Variants in CSMD1 observed in about 807,000 individuals in gnomAD.
CSMD1 encodes the protein CUB and Sushi multiple domains 1.
CSMD1 carries 213 observed loss-of-function variants against 417.5 expected under a neutral mutation model. The ratio of observed to expected loss-of-function variants is 0.51; its 90% CI spans 0.46 to 0.57. CSMD1 has a LOEUF of 0.57. CSMD1 is among the 20% of genes least tolerant of loss of function. The pLI is 0.00. For synonymous variants in CSMD1, 2,862 were observed against 1,736.8 expected, an observed-to-expected ratio of 1.65 and a Z score of -16.11; for missense variants, 6,923 against 4,529.7, an observed-to-expected ratio of 1.53 and a Z score of -15.17.
chr8:3,502,048 T>C (rs76317359), intron 10 of CSMD1, among the ~76,000 whole-genome samples: 3,306 of 152,232 alleles, frequency 0.022, 89 homozygotes, highest in East Asian at 0.11. Context: ...GCTTATCAAA[T>C]AATGAAATAA....
At chr8:3,769,333 G>T (rs1739765684) in intron 5 of CSMD1, among the ~76,000 whole-genome samples, 1 of 151,812 alleles carries the variant, frequency 6.6e-6, no homozygotes, top group African/African-American at 2.4e-5. Context: ...TTGCAAATAT[G>T]TTAAAAGAAA....
At chr8:2,979,450 G>A (rs748294230) in intron 54 of CSMD1, among the ~76,000 whole-genome samples, 34 of 152,194 alleles carry the variant, frequency 2.2e-4, no homozygotes, top group Non-Finnish European at 4.6e-4. Flanking sequence ...GCCTGTTGGC[G>A]TCTGTGAGGG....
chr8:4,679,270 G>A (rs377486338), intron 1 of CSMD1, among the ~76,000 whole-genome samples: 1 of 152,180 alleles, frequency 6.6e-6, no homozygotes, highest in South Asian at 2.1e-4. Context: ...GAACACCCGA[G>A]AAGGTAGCTT....
chr8:3,708,444 T>C lies in CSMD1; in HGVS notation c.979A>G (p.Ser327Gly). The change falls in exon 7 of 70, where the codon AGC becomes GGC. Residue 327 changes from serine to glycine, a missense_variant. Ser to Gly is a moderately conservative substitution (Grantham distance 56). Transcript: ENST00000635120. ...GAGTTTTTATGGCTTCCATCCTTGC[T>C]GGGCAGCATCTTGACTCCTCTTGAC... Reference protein sequence around the residue: ...LKSRGVKMLPSKDGSHKNSVL... With the variant: ...LKSRGVKMLPGKDGSHKNSVL... 6.2e-7 allele frequency: 1 copy of C among 1,613,966 alleles called. No individual in the cohort carries two copies. The highest frequency in any genetic ancestry group is 8.5e-7 in the Non-Finnish European group (1 of 1,179,868).
At chr8:4,257,647 A>G (rs1803557617) in intron 3 of CSMD1, among the ~76,000 whole-genome samples, 1 of 152,208 alleles carries the variant, frequency 6.6e-6, no homozygotes, top group African/African-American at 2.4e-5. Context: ...AATACATCAC[A>G]TTGGTTACAG....
chr8:4,429,652 T>A (rs1797758877), intron 2 of CSMD1, among the ~76,000 whole-genome samples: 1 of 152,076 alleles, frequency 6.6e-6, no homozygotes, highest in South Asian at 2.1e-4. Context: ...AGGAGGGCCC[T>A]TCATGCTGGG....
intron 3 of CSMD1, among the ~76,000 whole-genome samples, chr8:4,286,708 G>T (rs188746138): frequency 1.9e-4 from 29 of 152,304 alleles, no homozygotes; most frequent in South Asian, 4.1e-4. Flanking sequence ...ACAAGAGAAT[G>T]TATGCAGCTC....
At chr8:3,527,384 T>A (rs1797796280) in intron 10 of CSMD1, among the ~76,000 whole-genome samples, 1 of 152,174 alleles carries the variant, frequency 6.6e-6, no homozygotes, top group East Asian at 1.9e-4. Flanking sequence ...TTCGTTTGTA[T>A]AACATTCTTG....
intron 1 of CSMD1, among the ~76,000 whole-genome samples, chr8:4,817,484 C>T (rs1397492764): frequency 6.6e-6 from 1 of 152,200 alleles, no homozygotes; most frequent in Non-Finnish European, 1.5e-5. Context: ...CCAAAGGGCA[C>T]GTCCAATGAT....
At chr8:4,333,799 A>G (rs1800008255) in intron 3 of CSMD1, among the ~76,000 whole-genome samples, 1 of 152,090 alleles carries the variant, frequency 6.6e-6, no homozygotes, top group South Asian at 2.1e-4. Context: ...CTGGAAACAC[A>G]TTGCTTGTGT....
At chr8:3,531,063 G>T (rs180868263) in intron 10 of CSMD1, among the ~76,000 whole-genome samples, 38 of 150,434 alleles carry the variant, frequency 2.5e-4, no homozygotes, top group Admixed American at 8.6e-4. Flanking sequence ...GTTTTGCCAT[G>T]TTGGCCAGGC....
chr8:3,613,949 C>T (rs930014524), intron 8 of CSMD1, among the ~76,000 whole-genome samples: 1 of 151,734 alleles, frequency 6.6e-6, no homozygotes, highest in African/African-American at 2.4e-5. Context: ...TAAAAAAAAT[C>T]CGATTGGAAA....
At chr8:3,578,456 G>T (rs917098585) in intron 9 of CSMD1, among the ~76,000 whole-genome samples, 1 of 152,154 alleles carries the variant, frequency 6.6e-6, no homozygotes, top group South Asian at 2.1e-4. Flanking sequence ...GGCAGTGCAC[G>T]CAGGCCCTTG....
At chr8:3,706,091 G>GGCC (rs1801151444) in intron 7 of CSMD1, among the ~76,000 whole-genome samples, 1 of 152,230 alleles carries the variant, frequency 6.6e-6, no homozygotes, top group Non-Finnish European at 1.5e-5. Context: ...GGCCTGGCCT[G>GGCC]TGCCTACCTC....
At chr8:4,301,457 C>A (rs1230302025) in intron 3 of CSMD1, among the ~76,000 whole-genome samples, 3 of 152,140 alleles carry the variant, frequency 2.0e-5, no homozygotes, top group African/African-American at 7.2e-5. Flanking sequence ...TCTTCAGAGA[C>A]CAGAGTGGTC....
intron 1 of CSMD1, among the ~76,000 whole-genome samples, chr8:4,845,833 A>G (rs17071702): frequency 0.083 from 12,592 of 152,260 alleles, 761 homozygotes; most frequent in African/African-American, 0.17. Context: ...AGAAATTTAC[A>G]TACGATTTGT....
intron 3 of CSMD1, among the ~76,000 whole-genome samples, chr8:4,051,587 GAAGTGCT>G (rs1798426302): frequency 6.6e-6 from 1 of 152,180 alleles, no homozygotes; most frequent in South Asian, 2.1e-4. Flanking sequence ...AACGTCCTCA[GAAGTGCT>G]AAGTGCACAG....
chr8:4,103,333 G>C (rs970583687), intron 3 of CSMD1, among the ~76,000 whole-genome samples: 7 of 151,292 alleles, frequency 4.6e-5, no homozygotes, highest in Admixed American at 2.6e-4. Context: ...ATATTCTCCA[G>C]AGTAGAAAAA....
At chr8:4,828,976 C>A (rs1799982048) in intron 1 of CSMD1, among the ~76,000 whole-genome samples, 1 of 152,118 alleles carries the variant, frequency 6.6e-6, no homozygotes, top group Non-Finnish European at 1.5e-5. Context: ...AGTAACCTGA[C>A]ACATGATTAT....
Sources: allele counts gnomAD v4.1 joint callset (sites outside exome capture counted in the v4.1 genomes callset), GRCh38; gene constraint gnomAD v4.1.1; transcripts MANE v1.5; gene names NCBI Gene and HGNC (gene_info 2026-07-23, HGNC 2026-07-21).